GAS6: variants seen among roughly 807,000 people sequenced by gnomAD.
GAS6 encodes the protein growth arrest-specific protein 6.
GAS6 carries 41 observed loss-of-function variants against 75.8 expected under a neutral mutation model. That is an observed-to-expected ratio of 0.54 (90% CI 0.42 to 0.70). The LOEUF (loss-of-function observed/expected upper bound fraction) is 0.70. GAS6 is among the 30% of genes least tolerant of loss of function. GAS6 has a pLI of 0.00. For synonymous variants in GAS6, 432 were observed against 412.6 expected (o/e 1.05, Z -0.57); for missense variants, 854 against 940.2 (o/e 0.91, Z 1.20).
At chr13:113,828,154 C>G (rs1594191614) in intron 11 of GAS6, among the ~76,000 whole-genome samples, 1 of 152,044 alleles carries the variant, frequency 6.6e-6, no homozygotes, top group African/African-American at 2.4e-5. Flanking sequence ...GTCCCAGCTG[C>G]CTGGGAGGCT....
intron 2 of GAS6, among the ~76,000 whole-genome samples, chr13:113,856,257 C>T (rs1248360241): frequency 2.6e-5 from 4 of 152,236 alleles, no homozygotes; most frequent in African/African-American, 7.2e-5. Flanking sequence ...CAGTCGCCTG[C>T]ACACAGAGGA....
intron 4 of GAS6, chr13:113,841,500 ATACGCCCCACAGTTTCCTCCG>A (rs2051776412): frequency 7.4e-6 from 1 of 135,600 alleles, no homozygotes; most frequent in African/African-American, 2.7e-5. Flanking sequence ...AATTTCCTCC[ATACGCCCCACAGTTTCCTCCG>A]TATGCCCCAG....
chr13:113,863,484 C>G lies in GAS6; in HGVS notation c.255+91G>C. 7.6e-7 allele frequency: 1 copy of G among 1,307,964 alleles called. No individual in the cohort carries two copies. Among genetic ancestry groups the G allele is most frequent in the Non-Finnish European group, 9.9e-7 (1 of 1,007,052 alleles). 81.0% of individuals were successfully genotyped at this position (1,307,964 alleles called of 1,614,324 possible). A position where few individuals can be genotyped will look rare whatever the true frequency, so the allele number is the denominator to read the frequency against. On this transcript the variant is annotated intron_variant, in intron 2 of 14. Transcript: ENST00000327773. This position sits in a 1 kb window ranked among gnomAD's most constrained non-coding sequence, Gnocchi z 9.4. ...TGAGGCCAGGCCTCGCCGCGCGGAGCTGGGGGGCGGCAGCAGCGCTGCCTC... is the reference window on the plus strand; with the variant it reads ...TGAGGCCAGGCCTCGCCGCGCGGAGGTGGGGGGCGGCAGCAGCGCTGCCTC...
intron 2 of GAS6, among the ~76,000 whole-genome samples, chr13:113,860,203 C>A (rs1286648708): frequency 6.6e-6 from 1 of 152,208 alleles, no homozygotes; most frequent in Non-Finnish European, 1.5e-5. Context: ...CCTCGGAGCA[C>A]AGGCCTGGCC....
In GAS6 at chr13:113,838,000, G is replaced by A. The variant is rs1026692777; in HGVS notation, c.589+69C>T. 4 of 1,583,548 alleles carry A rather than the reference G, an allele frequency of 2.5e-6. No homozygotes were observed. The African/African-American group carries it at 4.0e-5, about 16-fold the overall frequency. On this transcript the variant is annotated intron_variant, in intron 6 of 14. Transcript: ENST00000327773. This position sits in a 1 kb window ranked among gnomAD's most constrained non-coding sequence, Gnocchi z 5.1. ...CAGCCAGCAGCAGCCGCTTGCAGAA[G>A]AGCAGACATGACCGAAAATAGAAGG...
rs2051734272 is a variant in GAS6 at position 113,837,967 on chromosome 13, C to T, written c.589+102G>A. ...GGATGCCCCATCCCATCCAGAACCACAGGAACCCAGCCAGCAGCAGCCGCT... is the reference window on the plus strand; with the variant it reads ...GGATGCCCCATCCCATCCAGAACCATAGGAACCCAGCCAGCAGCAGCCGCT... On this transcript the variant is annotated intron_variant, in intron 6 of 14. Coordinates refer to ENST00000327773, the MANE Select transcript of GAS6 (RefSeq NM_000820.4). This position sits in a 1 kb window ranked among gnomAD's most constrained non-coding sequence, Gnocchi z 5.1. 1 of 1,460,306 alleles carries T rather than the reference C, an allele frequency of 6.8e-7. No homozygotes were observed. Among genetic ancestry groups the T allele is most frequent in the Non-Finnish European group, 9.3e-7 (1 of 1,072,182 alleles). 90.5% of individuals were successfully genotyped at this position (1,460,306 alleles called of 1,614,324 possible). A position where few individuals can be genotyped will look rare whatever the true frequency, so the allele number is the denominator to read the frequency against.
intron 2 of GAS6, among the ~76,000 whole-genome samples, chr13:113,857,686 C>T (rs544174931): frequency 6.6e-6 from 1 of 152,318 alleles, no homozygotes; most frequent in Admixed American, 6.5e-5. Context: ...AAGAAAGAAG[C>T]CATAAGCACT....
Position 113,820,675 on chromosome 13 carries a change from C to T in GAS6, c.*189G>A, listed in dbSNP as rs1007920968. 35 of 654,860 alleles carry T rather than the reference C, an allele frequency of 5.3e-5. No homozygotes were observed. The highest frequency in any genetic ancestry group is 4.3e-4 in the Middle Eastern group (1 of 2,336). The allele number at this position is 654,860 out of a possible 1,614,324, so 40.6% of individuals were successfully genotyped here. A position where few individuals can be genotyped will look rare whatever the true frequency, so the allele number is the denominator to read the frequency against. ...TGCGCTGCGCCGGCCTCCCCGCGCC[C>T]GGGCCCACGGCTGAGTGCGCGGCGT... is the stretch of plus-strand genomic sequence containing the variant. On this transcript the variant is annotated 3_prime_UTR_variant, in exon 15 of 15. Transcript: ENST00000327773.
chr13:113,853,907 C>T (rs936233493), intron 2 of GAS6, among the ~76,000 whole-genome samples: 5 of 152,186 alleles, frequency 3.3e-5, no homozygotes, highest in Non-Finnish European at 7.3e-5. Flanking sequence ...AATTCGTTTC[C>T]TAAGTCTTCA....
chr13:113,821,641 T>C (rs1229540406), intron 14 of GAS6: 2 of 372,122 alleles, frequency 5.4e-6, no homozygotes, highest in Non-Finnish European at 9.7e-6. Flanking sequence ...TGGCCCGAGG[T>C]CTGCCCAGCC....
chr13:113,822,282 C>G, intron 13 of GAS6, 96 bp from the exon 14 acceptor site: 1 of 953,646 alleles, frequency 1.0e-6, no homozygotes, highest in Non-Finnish European at 1.5e-6. Flanking sequence ...CACCCCTACG[C>G]CGCACGCCTG....
Position 113,863,893 on chromosome 13 carries a change from C to A in GAS6, c.28G>T (p.Ala10Ser). ...AGCTGCGGCGCGCGGCGCAGGGCGG[C>A]GGGCCCGGGCGAGAGCGAAGGGGCC... MAPSLSPGP[A>S]ALRRAPQLLL... is the part of the protein sequence containing the mutation. Residue 10 changes from alanine (A) to serine (S), a missense_variant, in exon 1 of 15, where the codon GCC (alanine) becomes TCC (serine). Transcript: ENST00000327773. This position sits in a 1 kb window ranked among gnomAD's most constrained non-coding sequence, Gnocchi z 9.4. 10 of 1,188,718 alleles carry A rather than the reference C, an allele frequency of 8.4e-6. No homozygotes were observed. Among genetic ancestry groups the A allele is most frequent in the Non-Finnish European group, 1.0e-5 (10 of 962,330 alleles). The allele number at this position is 1,188,718 out of a possible 1,614,324, so 73.6% of individuals were successfully genotyped here.
At chr13:113,828,158 G>A (rs1372581664) in intron 11 of GAS6, among the ~76,000 whole-genome samples, 5 of 152,090 alleles carry the variant, frequency 3.3e-5, no homozygotes, top group Admixed American at 1.3e-4. Context: ...CAGCTGCCTG[G>A]GAGGCTGAGG....
At position 113,863,710 on chromosome 13, in the gene GAS6, C is replaced by A; in HGVS notation, c.120G>T (p.Gln40His). 6.6e-7 allele frequency: 1 copy of A among 1,507,240 alleles called. No homozygotes were observed. The highest frequency in any genetic ancestry group is 1.2e-5 in the South Asian group (1 of 80,644). The allele number at this position is 1,507,240 out of a possible 1,614,324, so 93.4% of individuals were successfully genotyped here. Reference sequence around the variant, plus strand: ...CGCGGCGCTGCCTGGGCCGCAGGAACTGCGTGGCCTCGCGCGCCGGCAACA... The same window carrying A: ...CGCGGCGCTGCCTGGGCCGCAGGAAATGCGTGGCCTCGCGCGCCGGCAACA... The part of the protein sequence containing the change: ...AALLPAREAT[Q>H]FLRPRQRRAF... The change falls in exon 2 of 15, where the codon CAG (glutamine) becomes CAT (histidine). Residue 40 changes from glutamine to histidine, a missense_variant. By Grantham distance (24) the Gln-to-His change is conservative (BLOSUM62 0). Coordinates refer to ENST00000327773, the MANE Select transcript of GAS6 (RefSeq NM_000820.4). This position sits in a 1 kb window ranked among gnomAD's most constrained non-coding sequence, Gnocchi z 9.4.
intron 2 of GAS6, among the ~76,000 whole-genome samples, chr13:113,862,014 G>A (rs903995116): frequency 9.8e-5 from 15 of 152,310 alleles, no homozygotes; most frequent in East Asian, 1.9e-4. Context: ...ACCATGTGAC[G>A]CAACCGCAGT....
At position 113,820,642 on chromosome 13, in the gene GAS6, G is replaced by A; in HGVS notation, c.*222C>T. 1.9e-6 allele frequency: 1 copy of A among 515,896 alleles called. No individual in the cohort carries two copies. The highest frequency in any genetic ancestry group is 2.8e-5 in the East Asian group (1 of 35,292). 32.0% of individuals were successfully genotyped at this position (515,896 alleles called of 1,614,324 possible). A position where few individuals can be genotyped will look rare whatever the true frequency, so the allele number is the denominator to read the frequency against. ...AATAATAGAGAATTATTTTCTTCGAGCCCGCTCTGCGCTGCGCCGGCCTCC... is the reference window on the plus strand; with the variant it reads ...AATAATAGAGAATTATTTTCTTCGAACCCGCTCTGCGCTGCGCCGGCCTCC... On this transcript the variant is annotated 3_prime_UTR_variant, in exon 15 of 15. Transcript: ENST00000327773.
chr13:113,846,067 G>A (rs990684122), intron 4 of GAS6, among the ~76,000 whole-genome samples: 19 of 152,256 alleles, frequency 1.2e-4, no homozygotes, highest in Admixed American at 1.2e-3. Flanking sequence ...TTCATATGAT[G>A]CACCGGCTGG....
At chr13:113,846,203 ATG>A (rs775498210) in intron 4 of GAS6, among the ~76,000 whole-genome samples, 2 of 120,774 alleles carry the variant, frequency 1.7e-5, no homozygotes, top group Non-Finnish European at 3.4e-5. Context: ...CCGCTCACAC[ATG>A]TTTACATGTC....
In GAS6 at chr13:113,820,764, A is replaced by G; in HGVS notation, c.*100T>C. The G allele has an allele frequency of 2.3e-6, 3 of 1,322,548 alleles. No individual in the cohort carries two copies. The highest frequency in any genetic ancestry group is 3.1e-6 in the Non-Finnish European group (3 of 978,384). 81.9% of individuals were successfully genotyped at this position (1,322,548 alleles called of 1,614,324 possible). A position where few individuals can be genotyped will look rare whatever the true frequency, so the allele number is the denominator to read the frequency against. On this transcript the variant is annotated 3_prime_UTR_variant, in exon 15 of 15. Transcript: ENST00000327773. ...TACAGGCCGGGATGGTCACAGAGGA[A>G]AGCCCAGCTCTCAGCATGGCCCCAC...
Sources: allele counts gnomAD v4.1 joint callset (sites outside exome capture counted in the v4.1 genomes callset), GRCh38; gene constraint gnomAD v4.1.1; non-coding constraint Gnocchi (gnomAD v3.1); transcripts MANE v1.5; gene names NCBI Gene and HGNC (gene_info 2026-07-23, HGNC 2026-07-21).